ABCA12: variants seen among roughly 807,000 people sequenced by gnomAD.
ABCA12 encodes ATP binding cassette subfamily A member 12, also known as glucosylceramide transporter ABCA12.
ABCA12 carries 156 observed loss-of-function variants against 293.5 expected under a neutral mutation model. The ratio of observed to expected loss-of-function variants is 0.53; its 90% CI spans 0.47 to 0.61. The LOEUF (loss-of-function observed/expected upper bound fraction) is 0.61, where lower values mean the gene tolerates loss of function less well. ABCA12 is among the 20% of genes least tolerant of loss of function. ABCA12 has a pLI of 0.00. For synonymous variants in ABCA12, 1,063 were observed against 1,108.0 expected (o/e 0.96, Z 0.81); for missense variants, 2,797 against 3,090.2 (o/e 0.91, Z 2.25).
chr2:214,978,242 C>A, intron 33 of ABCA12, 74 bp downstream of exon 33: 2 of 1,567,192 alleles, frequency 1.3e-6, no homozygotes, highest in South Asian at 2.3e-5. Flanking sequence ...TTTTAAAAAT[C>A]AAAGTCTGTC....
intron 9 of ABCA12, among the ~76,000 whole-genome samples, chr2:215,027,325 G>A (rs1341594330): frequency 3.3e-5 from 5 of 151,778 alleles, no homozygotes; most frequent in Admixed American, 6.6e-5. Context: ...CAGCCTGGGC[G>A]ACAGAGCAAG....
intron 37 of ABCA12, 67 bp downstream of exon 37, chr2:214,970,206 C>G (rs1699355611): frequency 6.7e-7 from 1 of 1,485,042 alleles, no homozygotes; most frequent in African/African-American, 1.4e-5. Context: ...TATCTATTGT[C>G]TCTTTAGAAG....
In ABCA12 at chr2:215,016,582, C is replaced by CAAAAGAA. The variant is rs1700507982; in HGVS notation, c.1783-920_1783-919insTTCTTTT. ...TGGGCAACAGACCATGACTCTGTCT[C>CAAAAGAA]AAAAAAAAAAAAAAAAAAAAAAAAA... On this transcript the variant is annotated intron_variant, in intron 14 of 52. Coordinates refer to ENST00000272895, the MANE Select transcript of ABCA12 (RefSeq NM_173076.3). 6.7e-5 allele frequency among the ~76,000 whole-genome samples: 2 copies of CAAAAGAA among 29,926 alleles called. 1 individual carries two copies. The highest frequency in any genetic ancestry group is 1.4e-4 in the Non-Finnish European group (2 of 13,936). The allele number at this position is 29,926 out of a possible 152,430, so 19.6% of individuals were successfully genotyped here. A position where few individuals can be genotyped will look rare whatever the true frequency, so the allele number is the denominator to read the frequency against.
In ABCA12 at chr2:215,034,482, G is replaced by A. The variant is rs572292528; in HGVS notation, c.985+2471C>T. 1.1e-3 allele frequency among the ~76,000 whole-genome samples: 171 copies of A among 152,304 alleles called. 7 individuals are homozygous for A. The South Asian group carries it at 0.034, about 30-fold the overall frequency. ...GCTTCCCACAGAATAAGTGTGGATG[G>A]GGAGCCAAGCTCCATCAGTGACTAA... On this transcript the variant is annotated intron_variant, in intron 8 of 52. Coordinates refer to ENST00000272895, the MANE Select transcript of ABCA12 (RefSeq NM_173076.3).
chr2:214,987,189 G>T (rs747556978), intron 27 of ABCA12, among the ~76,000 whole-genome samples: 1 of 152,118 alleles, frequency 6.6e-6, no homozygotes, highest in South Asian at 2.1e-4. Flanking sequence ...CAAAAGGACC[G>T]CTTAGTGGCC....
intron 1 of ABCA12, among the ~76,000 whole-genome samples, chr2:215,116,401 A>G (rs978271790): frequency 6.6e-6 from 1 of 152,312 alleles, no homozygotes; most frequent in African/African-American, 2.4e-5. Flanking sequence ...ATGATACAAA[A>G]GGATAGATAG....
intron 23 of ABCA12, among the ~76,000 whole-genome samples, chr2:214,992,474 AAAAC>A (rs1192364613): frequency 6.6e-4 from 99 of 149,138 alleles, no homozygotes; most frequent in African/African-American, 2.3e-3. Flanking sequence ...AAAAAAAAAA[AAAAC>A]AATTCATGAT....
At chr2:214,956,435 A>G (rs1698950083) in intron 42 of ABCA12, among the ~76,000 whole-genome samples, 1 of 152,112 alleles carries the variant, frequency 6.6e-6, no homozygotes, top group African/African-American at 2.4e-5. Flanking sequence ...TTGGCACCCA[A>G]TAAATGCTTA....
intron 45 of ABCA12, among the ~76,000 whole-genome samples, chr2:214,949,375 T>TACACAC (rs1186183654): frequency 3.9e-4 from 58 of 148,386 alleles, no homozygotes; most frequent in Middle Eastern, 3.5e-3. Context: ...TATATATATA[T>TACACAC]ATACACACAC....
chr2:215,036,910 T>C, intron 8 of ABCA12, 43 bp downstream of exon 8: 1 of 1,544,290 alleles, frequency 6.5e-7, no homozygotes, highest in South Asian at 1.1e-5. Context: ...TCCAATGGGC[T>C]TTGTGACACT....
intron 1 of ABCA12, among the ~76,000 whole-genome samples, chr2:215,121,892 A>G (rs1170985943): frequency 6.6e-6 from 1 of 152,130 alleles, no homozygotes; most frequent in Non-Finnish European, 1.5e-5. Flanking sequence ...AGGCTTCCCC[A>G]GCCATGTGAA....
chr2:214,948,631 T>G lies in ABCA12; in HGVS notation c.7069A>C (p.Arg2357=), dbSNP rs1388342216. The change falls in exon 47 of 53, where the codon AGG becomes CGG. Residue 2357 remains arginine, a synonymous_variant. Transcript: ENST00000272895. ...TCCTTTTCTGGAATTCCATGTACCC[T>G]GGCATAGAAATACAAATGTTCTTCC... The part of the protein sequence containing the change: ...TVEEHLYFYA[R]VHGIPEKDIK... 1 of 1,614,102 alleles carries G rather than the reference T, an allele frequency of 6.2e-7. No individual in the cohort carries two copies. The highest frequency in any genetic ancestry group is 1.1e-5 in the South Asian group (1 of 91,086).
In ABCA12 at chr2:214,970,305, A is replaced by G. The variant is rs572691296; in HGVS notation, c.5658T>C (p.Leu1886=). ...GGACAAACTCATTTGCAGTTGATAT[A>G]AGATAATTTTCCACTCGTTGCCCAG... The part of the protein sequence containing the change: ...NLTGQRVENY[L]ISTANEFVQK... Residue 1886 remains leucine, a synonymous_variant, in exon 37 of 53, where the codon CTT becomes CTC. Coordinates refer to ENST00000272895, the MANE Select transcript of ABCA12 (RefSeq NM_173076.3). 90 of 1,613,086 alleles carry G rather than the reference A, an allele frequency of 5.6e-5. No homozygotes were observed. The highest frequency in any genetic ancestry group is 1.0e-4 in the Admixed American group (6 of 59,956).
At chr2:215,006,480 C>A (rs550265549) in intron 19 of ABCA12, among the ~76,000 whole-genome samples, 1 of 152,130 alleles carries the variant, frequency 6.6e-6, no homozygotes, top group Non-Finnish European at 1.5e-5. Flanking sequence ...TTTATTTAAT[C>A]ATTTATGATA....
At chr2:214,978,666 A>G (rs1288742947) in intron 32 of ABCA12, 138 bp downstream of exon 32, 2 of 1,095,170 alleles carry the variant, frequency 1.8e-6, no homozygotes, top group Non-Finnish European at 2.7e-6. Flanking sequence ...TTACATAAGA[A>G]TAGTACTGAA....
rs527732524 is a variant in ABCA12 at position 214,949,802 on chromosome 2, C to T, written c.6853-653G>A. Among the ~76,000 whole-genome samples, 201 of 152,288 alleles carry T rather than the reference C, an allele frequency of 1.3e-3. 1 individual carries two copies. Among genetic ancestry groups the T allele is most frequent in the South Asian group, 3.1e-3 (15 of 4,830 alleles). On this transcript the variant is annotated intron_variant, in intron 45 of 52. Coordinates refer to ENST00000272895, the MANE Select transcript of ABCA12 (RefSeq NM_173076.3). ...TGAAGACAGCACCCTGAACAGGCTT[C>T]CTGACCAAAGTCTACCCCACAGTAA...
Position 214,968,780 on chromosome 2 carries a change from AG to A in ABCA12, c.5717del (p.Pro1906LeufsTer2). 1 of 1,613,346 alleles carries A rather than the reference AG, an allele frequency of 6.2e-7. No individual in the cohort carries two copies. The highest frequency in any genetic ancestry group is 8.5e-7 in the Non-Finnish European group (1 of 1,179,388). ...TATCAAAACGAAGGTCTTTTGTCAA[AG>A]GCAGCCCAAAACTCCAACCTCCATA... The part of the protein sequence containing the change: ...KRYGGWSFGL[P>X]LTKDLRFDIT... On this transcript the variant is annotated frameshift_variant, in exon 38 of 53. Transcript: ENST00000272895. LOFTEE classifies it high-confidence loss of function.
intron 2 of ABCA12, among the ~76,000 whole-genome samples, chr2:215,083,104 A>G (rs1053034081): frequency 5.3e-5 from 8 of 152,172 alleles, no homozygotes; most frequent in Non-Finnish European, 8.8e-5. Context: ...CTCTTCCCTA[A>G]CTTGGCTATG....
At chr2:214,987,165 T>G (rs1399712285) in intron 27 of ABCA12, among the ~76,000 whole-genome samples, 1 of 152,160 alleles carries the variant, frequency 6.6e-6, no homozygotes, top group African/African-American at 2.4e-5. Flanking sequence ...TATCTACACC[T>G]CCTTCAGGCA....
Sources: allele counts gnomAD v4.1 joint callset (sites outside exome capture counted in the v4.1 genomes callset), GRCh38; gene constraint gnomAD v4.1.1; transcripts MANE v1.5; gene names NCBI Gene and HGNC (gene_info 2026-07-23, HGNC 2026-07-21).